PHF21A: variants seen among roughly 807,000 people sequenced by gnomAD.
The protein encoded by PHF21A is PHD finger protein 21A, also known as BHC80a.
In PHF21A, 11 loss-of-function variants were observed where a neutral mutation model predicts 82.5. The observed-to-expected ratio is 0.13, with a 90% CI of 0.08 to 0.22. The LOEUF (loss-of-function observed/expected upper bound fraction) is 0.22, where lower values mean the gene tolerates loss of function less well. Among genes scored for constraint, PHF21A ranks in the 10% least tolerant of loss-of-function variants. PHF21A has a pLI of 1.00. For synonymous variants in PHF21A, 297 were observed against 302.8 expected (o/e 0.98, Z 0.20); for missense variants, 579 against 837.8 (o/e 0.69, Z 3.81).
chr11:46,097,460 A>C (rs1168416558), intron 1 of PHF21A, among the ~76,000 whole-genome samples: 1 of 152,112 alleles, frequency 6.6e-6, no homozygotes, highest in Non-Finnish European at 1.5e-5. Flanking sequence ...TTTCCTCCAA[A>C]TATCTTCATG....
intron 6 of PHF21A, among the ~76,000 whole-genome samples, chr11:45,991,693 T>C (rs538230770): frequency 5.3e-5 from 8 of 152,170 alleles, no homozygotes; most frequent in Admixed American, 6.5e-5. Flanking sequence ...TAAACAAGGT[T>C]TGTGACCTTT....
At chr11:45,968,872 A>G (rs1044064624) in intron 9 of PHF21A, among the ~76,000 whole-genome samples, 11 of 145,976 alleles carry the variant, frequency 7.5e-5, no homozygotes, top group Admixed American at 3.6e-4. Flanking sequence ...TGGAGATTGC[A>G]GTGAGCCTAG....
At chr11:46,045,681 G>GA (rs2096245834) in intron 6 of PHF21A, among the ~76,000 whole-genome samples, 1 of 152,162 alleles carries the variant, frequency 6.6e-6, no homozygotes, top group African/African-American at 2.4e-5. Context: ...ATGAAAAAGA[G>GA]AAGGGGCCTA....
intron 6 of PHF21A, among the ~76,000 whole-genome samples, chr11:45,997,182 T>C (rs2094936602): frequency 6.6e-6 from 1 of 152,236 alleles, no homozygotes; most frequent in African/African-American, 2.4e-5. Flanking sequence ...TACTACACTC[T>C]TCCTTTTTCC....
At chr11:45,954,350 AATG>A (rs1467087362) in intron 10 of PHF21A, among the ~76,000 whole-genome samples, 1 of 152,150 alleles carries the variant, frequency 6.6e-6, no homozygotes, top group East Asian at 1.9e-4. Flanking sequence ...TTAAGATCAG[AATG>A]ATGTTAAAAA....
intron 10 of PHF21A, among the ~76,000 whole-genome samples, chr11:45,961,214 G>A (rs1056903739): frequency 6.6e-6 from 1 of 152,026 alleles, no homozygotes; most frequent in African/African-American, 2.4e-5. Context: ...GTTCTTTTTG[G>A]TATAATAAAA....
chr11:46,018,249 CAAAA>C (rs772133757), intron 6 of PHF21A, among the ~76,000 whole-genome samples: 3 of 76,212 alleles, frequency 3.9e-5, no homozygotes, highest in Non-Finnish European at 2.8e-5. Flanking sequence ...GACTCCGTCT[CAAAA>C]AAAAAAAAAA....
intron 6 of PHF21A, among the ~76,000 whole-genome samples, chr11:45,985,886 C>T (rs1250960466): frequency 6.6e-6 from 1 of 152,002 alleles, no homozygotes; most frequent in African/African-American, 2.4e-5. Context: ...CTCAAGTTGT[C>T]ATGGAATTTA....
At chr11:45,935,996 G>A (rs1488109102) in intron 17 of PHF21A, among the ~76,000 whole-genome samples, 1 of 152,170 alleles carries the variant, frequency 6.6e-6, no homozygotes, top group African/African-American at 2.4e-5. Flanking sequence ...AAGTGCTACA[G>A]TCCAGGCATG....
At chr11:45,950,354 T>C (rs1034972724) in intron 11 of PHF21A, 97 bp from the exon 12 acceptor site, 1 of 943,120 alleles carries the variant, frequency 1.1e-6, no homozygotes, top group East Asian at 2.5e-5. Context: ...GCCAGCCCAA[T>C]GGGCGGGTCT....
chr11:46,101,980 C>T (rs2097102403), intron 1 of PHF21A, among the ~76,000 whole-genome samples: 1 of 152,108 alleles, frequency 6.6e-6, no homozygotes, highest in Admixed American at 6.6e-5. Flanking sequence ...GCCTCAGCCT[C>T]CTGAGTAGCG....
intron 1 of PHF21A, among the ~76,000 whole-genome samples, chr11:46,094,553 T>C (rs1031196676): frequency 1.3e-5 from 2 of 152,168 alleles, no homozygotes; most frequent in African/African-American, 2.4e-5. Context: ...TTTGGAAAAG[T>C]CTGCACATAA....
rs1406312887 is a variant in PHF21A at position 45,948,894 on chromosome 11, C to T, written c.1280G>A (p.Arg427Gln). ...YLNSTMHPGT[R>Q]KRGRPPKYNA... is the part of the protein sequence containing the mutation. The stretch of plus-strand genomic sequence containing the variant: ...TACAAAAAGGTCCTCACCTCTCTTC[C>T]GGGTCCCAGGGTGCATTGTGCTGTT... Residue 427 changes from arginine to glutamine, a missense_variant, in exon 14 of 19, where the codon CGG becomes CAG. Arg to Gln is a conservative substitution (Grantham distance 43, BLOSUM62 1). Transcript: ENST00000676320. 9 of 1,613,770 alleles carry T rather than the reference C, an allele frequency of 5.6e-6. No individual in the cohort carries two copies. Among genetic ancestry groups the T allele is most frequent in the East Asian group, 2.2e-5 (1 of 44,890 alleles).
chr11:46,034,928 C>T (rs1355315857), intron 6 of PHF21A, among the ~76,000 whole-genome samples: 2 of 152,144 alleles, frequency 1.3e-5, no homozygotes, highest in Admixed American at 6.5e-5. Flanking sequence ...GGTGACAAAA[C>T]CTGGAAGCTG....
chr11:45,966,681 G>A (rs568991669), intron 9 of PHF21A, among the ~76,000 whole-genome samples: 42 of 152,158 alleles, frequency 2.8e-4, no homozygotes, highest in African/African-American at 7.0e-4. Flanking sequence ...GTGCAGTGGC[G>A]CGACCTCGGC....
chr11:45,939,282 A>T (rs2089867916), intron 15 of PHF21A, among the ~76,000 whole-genome samples: 2 of 152,224 alleles, frequency 1.3e-5, no homozygotes, highest in South Asian at 4.1e-4. Context: ...TCCATTCATC[A>T]AAGTGTTTCA....
At chr11:46,068,375 T>C (rs1418853908) in intron 6 of PHF21A, among the ~76,000 whole-genome samples, 1 of 152,182 alleles carries the variant, frequency 6.6e-6, no homozygotes, top group Non-Finnish European at 1.5e-5. Context: ...TTTGAAAGCA[T>C]ACATATATAT....
intron 16 of PHF21A, among the ~76,000 whole-genome samples, chr11:45,937,088 A>G (rs2089257554): frequency 6.6e-6 from 1 of 152,228 alleles, no homozygotes; most frequent in South Asian, 2.1e-4. Flanking sequence ...CAGCATCAGG[A>G]GGAGGACACT....
intron 16 of PHF21A, 102 bp from the exon 17 acceptor site, chr11:45,936,671 C>A: frequency 1.2e-6 from 1 of 803,672 alleles, no homozygotes; most frequent in South Asian, 1.5e-5. Flanking sequence ...AGATAAAATC[C>A]AGGAAGGATT....
Sources: gnomAD v4.1 joint callset for allele counts (sites outside exome capture counted in the v4.1 genomes callset) on GRCh38, gnomAD v4.1.1 for gene constraint, MANE v1.5 for transcripts, NCBI Gene and HGNC (gene_info 2026-07-23, HGNC 2026-07-21) for gene names.